The following MAP4K4 variants were observed in gnomAD, a reference collection of about 807,000 sequenced individuals.
MAP4K4 encodes mitogen-activated protein kinase kinase kinase kinase 4, also known as HPK/GCK-like kinase HGK.
MAP4K4 carries 38 observed loss-of-function variants against 189.6 expected under a neutral mutation model. The ratio of observed to expected loss-of-function variants is 0.20; its 90% CI spans 0.15 to 0.26. The LOEUF (loss-of-function observed/expected upper bound fraction) is 0.26, where lower values mean the gene tolerates loss of function less well. Among genes scored for constraint, MAP4K4 ranks in the 10% least tolerant of loss-of-function variants. The pLI, the probability that MAP4K4 is intolerant of heterozygous loss-of-function variation, is 1.00. For synonymous variants in MAP4K4, 610 were observed against 624.3 expected, an observed-to-expected ratio of 0.98 and a Z score of 0.34; for missense variants, 1,054 against 1,726.9, an observed-to-expected ratio of 0.61 and a Z score of 6.91.
At chr2:101,855,672 C>A (rs551723915) in intron 12 of MAP4K4, among the ~76,000 whole-genome samples, 3 of 152,142 alleles carry the variant, frequency 2.0e-5, no homozygotes, top group East Asian at 1.9e-4. Flanking sequence ...TTAATGATAT[C>A]CACGAATAAA....
chr2:101,879,950 C>G (rs752587064), intron 27 of MAP4K4, among the ~76,000 whole-genome samples: 43 of 151,500 alleles, frequency 2.8e-4, no homozygotes, highest in Middle Eastern at 3.4e-3. Context: ...TTGCAATTTC[C>G]TAATGATGTA....
intron 3 of MAP4K4, among the ~76,000 whole-genome samples, chr2:101,819,211 A>AGTG (rs1047632314): frequency 1.3e-5 from 2 of 152,078 alleles, no homozygotes; most frequent in Non-Finnish European, 2.9e-5. Context: ...TGGTGGTGCT[A>AGTG]GTGGTGGTGG....
chr2:101,882,506 CT>C, intron 27 of MAP4K4, 44 bp from the exon 28 acceptor site: 3 of 1,438,812 alleles, frequency 2.1e-6, no homozygotes, highest in South Asian at 2.8e-5. Context: ...ATGATGAGAC[CT>C]ACTTCTGGAT....
chr2:101,894,179 A>G (rs1187623793), exon 33 of MAP4K4: 1 of 152,804 alleles, frequency 6.5e-6, no homozygotes, highest in East Asian at 1.9e-4. Context: ...ACAAGAAAAC[A>G]GTATTGCAAT....
chr2:101,864,920 C>T lies in MAP4K4; in HGVS notation c.2098-10C>T, dbSNP rs767311806. 3 of 1,507,242 alleles carry T rather than the reference C, an allele frequency of 2.0e-6. No individual in the cohort carries two copies. Among genetic ancestry groups the T allele is most frequent in the Non-Finnish European group, 2.7e-6 (3 of 1,115,514 alleles). The allele number at this position is 1,507,242 out of a possible 1,614,324, so 93.4% of individuals were successfully genotyped here. On this transcript the variant is annotated splice_polypyrimidine_tract_variant and intron_variant, in intron 17 of 32. Coordinates refer to ENST00000324219, the Ensembl canonical transcript of MAP4K4. The stretch of plus-strand genomic sequence containing the variant: ...TTCAATAATTTAATTGCTATATTTT[C>T]TACTTAAAGGTTCCTGTGAGAACAA...
intron 2 of MAP4K4, among the ~76,000 whole-genome samples, chr2:101,740,182 C>T (rs1408038134): frequency 2.6e-5 from 2 of 76,942 alleles, no homozygotes; most frequent in Non-Finnish European, 3.8e-5. Context: ...GAGACGGAGT[C>T]TCGCTCTGTC....
intron 12 of MAP4K4, among the ~76,000 whole-genome samples, chr2:101,851,825 G>C (rs916413787): frequency 2.2e-5 from 3 of 137,638 alleles, no homozygotes; most frequent in Admixed American, 1.7e-4. Flanking sequence ...AGTCTTGGGA[G>C]ATTTACCACT....
At chr2:101,840,162 A>G (rs1016692782) in intron 10 of MAP4K4, among the ~76,000 whole-genome samples, 168 bp downstream of exon 10, 25 of 152,082 alleles carry the variant, frequency 1.6e-4, no homozygotes, top group Non-Finnish European at 2.4e-4. Context: ...GTCTGGCTCC[A>G]GGTGGAGTTG....
At position 101,759,404 on chromosome 2, in the gene MAP4K4, C is replaced by CTGTA. The variant is rs370435435; in HGVS notation, c.124-31315_124-31312dup. ...GGAAGGGTTTGTTTGTGAAGGGGAG[C>CTGTA]TGTAACATCAGTGAAATGAGCTTTT... On this transcript the variant is annotated intron_variant, in intron 2 of 32. Coordinates refer to ENST00000324219, the Ensembl canonical transcript of MAP4K4. 6.6e-3 allele frequency among the ~76,000 whole-genome samples: 996 copies of CTGTA among 151,786 alleles called. 11 individuals are homozygous for CTGTA. The highest frequency in any genetic ancestry group is 0.023 in the African/African-American group (963 of 41,364).
chr2:101,834,686 T>A (rs2096693668), intron 8 of MAP4K4, among the ~76,000 whole-genome samples: 1 of 152,246 alleles, frequency 6.6e-6, no homozygotes, highest in East Asian at 1.9e-4. Flanking sequence ...AGGCTACATT[T>A]TCTTTTATTT....
intron 2 of MAP4K4, among the ~76,000 whole-genome samples, chr2:101,705,559 A>G (rs972420042): frequency 1.3e-5 from 2 of 152,242 alleles, no homozygotes; most frequent in African/African-American, 2.4e-5. Flanking sequence ...CATATAGAAT[A>G]TCAGTCTACT....
chr2:101,855,685 A>G (rs1443542994), intron 12 of MAP4K4, among the ~76,000 whole-genome samples: 2 of 152,146 alleles, frequency 1.3e-5, no homozygotes, highest in Non-Finnish European at 2.9e-5. Flanking sequence ...CGAATAAAGA[A>G]TTTTCTGTCC....
At chr2:101,847,331 A>G (rs2097141055) in intron 12 of MAP4K4, among the ~76,000 whole-genome samples, 1 of 152,204 alleles carries the variant, frequency 6.6e-6, no homozygotes, top group Non-Finnish European at 1.5e-5. Flanking sequence ...CTCCTTCTAC[A>G]TATTAAAAAC....
chr2:101,765,361 GTGTT>G (rs1166584876), intron 2 of MAP4K4, among the ~76,000 whole-genome samples: 1 of 152,162 alleles, frequency 6.6e-6, no homozygotes, highest in Non-Finnish European at 1.5e-5. Flanking sequence ...TTTTGTTTGT[GTGTT>G]TGTTTTGAGC....
chr2:101,774,775 A>G (rs2083137320), intron 2 of MAP4K4, among the ~76,000 whole-genome samples: 1 of 152,166 alleles, frequency 6.6e-6, no homozygotes, highest in South Asian at 2.1e-4. Context: ...GAACAGTCTC[A>G]TCACCCCAAA....
At chr2:101,736,240 G>A (rs1456695636) in intron 2 of MAP4K4, among the ~76,000 whole-genome samples, 1 of 152,190 alleles carries the variant, frequency 6.6e-6, no homozygotes, top group Non-Finnish European at 1.5e-5. Flanking sequence ...CCTTCCTTCA[G>A]TGGTTGCCCA....
chr2:101,867,956 C>A, intron 20 of MAP4K4, 73 bp from the exon 21 acceptor site: 1 of 1,491,110 alleles, frequency 6.7e-7, no homozygotes, highest in East Asian at 2.3e-5. Context: ...TTCTTTCTCC[C>A]GCGCTTCCTT....
At chr2:101,791,661 A>G (rs1358011220) in intron 3 of MAP4K4, among the ~76,000 whole-genome samples, 1 of 152,184 alleles carries the variant, frequency 6.6e-6, no homozygotes, top group Non-Finnish European at 1.5e-5. Flanking sequence ...CAAGGGAGAT[A>G]ATGGCTAACC....
chr2:101,704,042 C>T (rs1434017770), intron 2 of MAP4K4, among the ~76,000 whole-genome samples: 1 of 152,072 alleles, frequency 6.6e-6, no homozygotes, highest in East Asian at 1.9e-4. Context: ...AAAAAATTTG[C>T]ATTTTGGAGC....
Sources: allele counts gnomAD v4.1 joint callset (sites outside exome capture counted in the v4.1 genomes callset), GRCh38; gene constraint gnomAD v4.1.1; transcripts MANE v1.5; gene names NCBI Gene and HGNC (gene_info 2026-07-23, HGNC 2026-07-21).